Variants in GRM7 observed in about 807,000 individuals in gnomAD.
The protein encoded by GRM7 is glutamate metabotropic receptor 7.
In GRM7, 35 loss-of-function variants were observed where a neutral mutation model predicts 84.5. The observed-to-expected ratio is 0.41, with a 90% confidence interval of 0.32 to 0.55. The LOEUF is 0.55. GRM7 is among the 20% of genes least tolerant of loss of function. GRM7 has a pLI of 0.19. For synonymous variants in GRM7, 487 were observed against 455.1 expected (o/e 1.07, Z -0.89); for missense variants, 1,003 against 1,194.6 (o/e 0.84, Z 2.36).
At chr3:7,019,152 T>C (rs1345966450) in intron 1 of GRM7, among the ~76,000 whole-genome samples, 1 of 152,238 alleles carries the variant, frequency 6.6e-6, no homozygotes, top group Non-Finnish European at 1.5e-5. Context: ...GTATAGTTTC[T>C]GTATTGCATG....
intron 4 of GRM7, among the ~76,000 whole-genome samples, chr3:7,352,005 T>C (rs188366153): frequency 7.3e-5 from 11 of 151,384 alleles, no homozygotes; most frequent in African/African-American, 2.7e-4. Flanking sequence ...CTGATAAATA[T>C]ATTCATTCAG....
At chr3:7,473,527 AG>A (rs1430845894) in intron 7 of GRM7, among the ~76,000 whole-genome samples, 2 of 149,080 alleles carry the variant, frequency 1.3e-5, no homozygotes, top group East Asian at 2.0e-4. Context: ...AGAGAGAGAG[AG>A]AGAAACACCT....
Position 7,649,074 on chromosome 3 carries a change from C to CA in GRM7, c.2452-30975_2452-30974insA, listed in dbSNP as rs1553631533. On this transcript the variant is annotated intron_variant, in intron 8 of 9. Coordinates refer to ENST00000357716, the MANE Select transcript of GRM7 (RefSeq NM_000844.4). ...CAGCCTCAGATGAAATTCAGATTTT[C>CA]TTTTTTTTTTTTTGAGATGGAGTCT... is the stretch of plus-strand genomic sequence containing the variant. 2.1e-5 allele frequency among the ~76,000 whole-genome samples: 3 copies of CA among 146,164 alleles called. No individual in the cohort carries two copies. The East Asian group carries it at 6.0e-4, about 29-fold the overall frequency.
chr3:7,441,397 G>A lies in GRM7; in HGVS notation c.1175-11210G>A, dbSNP rs1390025893. ...TATAGATTCTGGATATTAGACCTTT[G>A]TTGGATGCATACATTGAAAATATTT... On this transcript the variant is annotated intron_variant, in intron 5 of 9. Coordinates refer to ENST00000357716, the MANE Select transcript of GRM7 (RefSeq NM_000844.4). Among the ~76,000 whole-genome samples, 4 of 152,172 alleles carry A rather than the reference G, an allele frequency of 2.6e-5. No homozygotes were observed. In the East Asian group the frequency reaches 7.7e-4, roughly 29 times the overall value.
At chr3:6,983,357 T>C (rs1694276260) in intron 1 of GRM7, among the ~76,000 whole-genome samples, 1 of 152,002 alleles carries the variant, frequency 6.6e-6, no homozygotes, top group South Asian at 2.1e-4. Flanking sequence ...AGCCTGGAGG[T>C]AGAGTAGGAA....
At chr3:7,583,301 C>T (rs1220334886) in intron 8 of GRM7, among the ~76,000 whole-genome samples, 3 of 152,160 alleles carry the variant, frequency 2.0e-5, no homozygotes, top group Non-Finnish European at 4.4e-5. Context: ...TGATCTTCTG[C>T]ATGTAACAGA....
At chr3:7,174,884 A>G (rs1695094852) in intron 2 of GRM7, among the ~76,000 whole-genome samples, 1 of 152,248 alleles carries the variant, frequency 6.6e-6, no homozygotes, top group Non-Finnish European at 1.5e-5. Context: ...ATTTTGTGAC[A>G]TACTCTAAGC....
chr3:6,880,794 A>G (rs1056670462), intron 1 of GRM7, among the ~76,000 whole-genome samples: 1 of 152,166 alleles, frequency 6.6e-6, no homozygotes, highest in Admixed American at 6.6e-5. Flanking sequence ...GAAAAAGGAG[A>G]TGGCTATGGT....
chr3:6,904,392 A>G (rs576819457), intron 1 of GRM7, among the ~76,000 whole-genome samples: 3 of 152,140 alleles, frequency 2.0e-5, no homozygotes, highest in Non-Finnish European at 4.4e-5. Flanking sequence ...TAGGTTAGTC[A>G]TTCTACTCTC....
intron 4 of GRM7, among the ~76,000 whole-genome samples, chr3:7,360,317 T>C (rs1444245401): frequency 1.3e-5 from 2 of 148,344 alleles, no homozygotes; most frequent in African/African-American, 2.6e-5. Context: ...AAAAAGTCTT[T>C]TTTAATTTGG....
intron 1 of GRM7, among the ~76,000 whole-genome samples, chr3:7,129,322 A>C (rs1271281884): frequency 2.6e-5 from 4 of 152,212 alleles, no homozygotes; most frequent in African/African-American, 9.7e-5. Context: ...ATCCGTTTAC[A>C]AGTTCTCTAG....
At chr3:7,204,689 A>G (rs1696177672) in intron 2 of GRM7, among the ~76,000 whole-genome samples, 1 of 152,244 alleles carries the variant, frequency 6.6e-6, no homozygotes, top group Non-Finnish European at 1.5e-5. Context: ...TCTCTGCAGT[A>G]CCATCACATT....
chr3:7,353,996 C>T (rs1424912338), intron 4 of GRM7, among the ~76,000 whole-genome samples: 1 of 152,090 alleles, frequency 6.6e-6, no homozygotes, highest in Middle Eastern at 3.2e-3. Context: ...ACTTCCAGGT[C>T]AAGTGAACAA....
rs149705336 is a variant in GRM7 at position 6,887,135 on chromosome 3, T to G, written c.519+25228T>G. 1.7e-3 allele frequency among the ~76,000 whole-genome samples: 252 copies of G among 152,248 alleles called. 2 individuals carry two copies. Among genetic ancestry groups the G allele is most frequent in the African/African-American group, 5.4e-3 (226 of 41,564 alleles). ...AGTGCCTTTCTCCCACTGTTTAAAC[T>G]GAAAATACCAGACACATTTACATGT... On this transcript the variant is annotated intron_variant, in intron 1 of 9. Coordinates refer to ENST00000357716, the MANE Select transcript of GRM7 (RefSeq NM_000844.4).
At chr3:7,496,939 T>G (rs934723467) in intron 7 of GRM7, among the ~76,000 whole-genome samples, 1 of 152,020 alleles carries the variant, frequency 6.6e-6, no homozygotes, top group Non-Finnish European at 1.5e-5. Context: ...TATGTAAGTT[T>G]TAAAATATCG....
intron 1 of GRM7, among the ~76,000 whole-genome samples, chr3:7,057,474 C>T (rs565945614): frequency 4.0e-5 from 6 of 151,870 alleles, no homozygotes; most frequent in African/African-American, 1.2e-4. Flanking sequence ...ATAACGTTTT[C>T]CCTAAACAAA....
At chr3:7,304,653 T>G (rs1052410945) in intron 3 of GRM7, among the ~76,000 whole-genome samples, 1 of 152,108 alleles carries the variant, frequency 6.6e-6, no homozygotes, top group Non-Finnish European at 1.5e-5. Flanking sequence ...TTTCCAACTT[T>G]TTGTTGTTTT....
chr3:6,989,239 A>G (rs1178025520), intron 1 of GRM7, among the ~76,000 whole-genome samples: 1 of 152,202 alleles, frequency 6.6e-6, no homozygotes, highest in Non-Finnish European at 1.5e-5. Flanking sequence ...GAAATTATGT[A>G]CTTTTTTCCT....
intron 2 of GRM7, among the ~76,000 whole-genome samples, chr3:7,206,610 T>A (rs1006935048): frequency 6.6e-6 from 1 of 152,128 alleles, no homozygotes; most frequent in African/African-American, 2.4e-5. Context: ...AGGAAAAAAA[T>A]AACCCTGTTG....
Sources: allele counts gnomAD v4.1 joint callset (sites outside exome capture counted in the v4.1 genomes callset), GRCh38; gene constraint gnomAD v4.1.1; transcripts MANE v1.5; gene names NCBI Gene and HGNC (gene_info 2026-07-23, HGNC 2026-07-21).